BCAS3: variants seen among roughly 807,000 people sequenced by gnomAD.
BCAS3 encodes the protein BCAS3 microtubule associated cell migration factor, also known as BCAS4/BCAS3 fusion.
A neutral mutation model predicts 116.1 loss-of-function variants in BCAS3; 53 were observed. The observed-to-expected ratio is 0.46, with a 90% CI of 0.37 to 0.57. The LOEUF is 0.57. Ranked by LOEUF, BCAS3 falls within the 20% of genes least tolerant of loss-of-function variation. BCAS3 has a pLI of 0.00. For missense variants in BCAS3, 917 were observed against 1,165.4 expected, an observed-to-expected ratio of 0.79 and a Z score of 3.10; for synonymous variants, 391 against 408.2, an observed-to-expected ratio of 0.96 and a Z score of 0.51.
chr17:60,690,306 A>T (rs1223063450), intron 4 of BCAS3, among the ~76,000 whole-genome samples: 1 of 152,212 alleles, frequency 6.6e-6, no homozygotes, highest in Non-Finnish European at 1.5e-5. Context: ...ATAGTGGCTC[A>T]CACCAGTAAT....
intron 4 of BCAS3, among the ~76,000 whole-genome samples, chr17:60,706,803 CTTTT>C (rs546689684): frequency 4.9e-5 from 6 of 122,222 alleles, no homozygotes; most frequent in African/African-American, 3.4e-5. Flanking sequence ...TTACACTATA[CTTTT>C]TTTTTTTTTT....
At position 61,180,458 on chromosome 17, in the gene BCAS3, C is replaced by G. The variant is rs1455827657; in HGVS notation, c.2425+95894C>G. The stretch of plus-strand genomic sequence containing the variant: ...AGAAATAATTTGGCTAAAATTCTGG[C>G]CCAGTGTTGTCAGAGGATATGAAAG... On this transcript the variant is annotated intron_variant, in intron 22 of 23. Coordinates refer to ENST00000407086, the MANE Select transcript of BCAS3 (RefSeq NM_017679.5). The surrounding 1 kb of genome is among the most constrained non-coding windows in gnomAD (Gnocchi z 6.0). 3.3e-5 allele frequency among the ~76,000 whole-genome samples: 5 copies of G among 152,180 alleles called. No individual in the cohort carries two copies. Among genetic ancestry groups the G allele is most frequent in the Non-Finnish European group, 7.3e-5 (5 of 68,032 alleles).
At chr17:60,718,794 G>T (rs1322513619) in intron 5 of BCAS3, among the ~76,000 whole-genome samples, 1 of 152,112 alleles carries the variant, frequency 6.6e-6, no homozygotes, top group African/African-American at 2.4e-5. Flanking sequence ...GGGTGCTGTG[G>T]CTCACGCCTG....
Position 61,278,283 on chromosome 17 carries a change from C to CGCCTG in BCAS3, c.2426-90043_2426-90039dup, listed in dbSNP as rs2050946220. 6.6e-6 allele frequency among the ~76,000 whole-genome samples: 1 copy of CGCCTG among 152,138 alleles called. No homozygotes were observed. The highest frequency in any genetic ancestry group is 1.5e-5 in the Non-Finnish European group (1 of 68,018). On this transcript the variant is annotated intron_variant, in intron 22 of 23. Coordinates refer to ENST00000407086, the MANE Select transcript of BCAS3 (RefSeq NM_017679.5). The surrounding 1 kb of genome is among the most constrained non-coding windows in gnomAD (Gnocchi z 5.8). ...GTCTTGAACTCCTGACCTTGTGATCCGCCTGCCTCGGCCTCTCAAAGTGCT... is the reference window on the plus strand; with the variant it reads ...GTCTTGAACTCCTGACCTTGTGATCCGCCTGGCCTGCCTCGGCCTCTCAAAGTGCT...
Position 61,377,122 on chromosome 17 carries a change from T to TGC in BCAS3, c.2593+8629_2593+8630dup, listed in dbSNP as rs1331249348. Among the ~76,000 whole-genome samples the TGC allele has an allele frequency of 6.6e-6, 1 of 151,970 alleles. No homozygotes were observed. Among genetic ancestry groups the TGC allele is most frequent in the East Asian group, 1.9e-4 (1 of 5,162 alleles). On this transcript the variant is annotated intron_variant, in intron 23 of 23. Coordinates refer to ENST00000407086, the MANE Select transcript of BCAS3 (RefSeq NM_017679.5). This position sits in a 1 kb window ranked among gnomAD's most constrained non-coding sequence, Gnocchi z 4.6. ...AGCTGGACCAAGTGGAAGTCAGGAG[T>TGC]GCTCCCCTGCCCACAGGGCATGGTC...
intron 5 of BCAS3, among the ~76,000 whole-genome samples, chr17:60,737,953 CT>C (rs1484725795): frequency 6.6e-6 from 1 of 151,758 alleles, no homozygotes; most frequent in Non-Finnish European, 1.5e-5. Context: ...CACCCGGCTA[CT>C]TTTTGCATTT....
intron 22 of BCAS3, among the ~76,000 whole-genome samples, chr17:61,176,856 C>T (rs2079182279): frequency 6.6e-6 from 1 of 152,196 alleles, no homozygotes; most frequent in Admixed American, 6.5e-5. Flanking sequence ...CCACCGCACT[C>T]TGGCCTCAAT....
chr17:61,143,799 ACT>A (rs1356028620), intron 22 of BCAS3, among the ~76,000 whole-genome samples: 1 of 152,102 alleles, frequency 6.6e-6, no homozygotes, highest in African/African-American at 2.4e-5. Flanking sequence ...ACAGAGCAAG[ACT>A]CTGTCTCAAA....
intron 19 of BCAS3, among the ~76,000 whole-genome samples, chr17:61,069,386 C>T (rs142475785): frequency 2.0e-4 from 31 of 152,238 alleles, no homozygotes; most frequent in East Asian, 1.5e-3. Context: ...GAAGAACCTG[C>T]GCCACAAGGA....
At chr17:61,238,207 C>G (rs1160421634) in intron 22 of BCAS3, among the ~76,000 whole-genome samples, 1 of 142,710 alleles carries the variant, frequency 7.0e-6, no homozygotes, top group African/African-American at 2.6e-5. Flanking sequence ...CACCCGCCAC[C>G]ACACCTGGCA....
At chr17:60,838,455 TC>T (rs2051570771) in intron 7 of BCAS3, among the ~76,000 whole-genome samples, 1 of 151,740 alleles carries the variant, frequency 6.6e-6, no homozygotes, top group African/African-American at 2.4e-5. Context: ...ATTAGGCTGA[TC>T]TCATATTTCC....
Position 61,376,718 on chromosome 17 carries a change from A to G in BCAS3, c.2593+8224A>G, listed in dbSNP as rs959571439. On this transcript the variant is annotated intron_variant, in intron 23 of 23. Coordinates refer to ENST00000407086, the MANE Select transcript of BCAS3 (RefSeq NM_017679.5). The surrounding 1 kb of genome is among the most constrained non-coding windows in gnomAD (Gnocchi z 4.5). ...TAGGCTTCTCTGGGTAATATCTCTG[A>G]TTGCCCAGTGCTCCTAAAATTGCAC... Among the ~76,000 whole-genome samples the G allele has an allele frequency of 1.3e-5, 2 of 152,114 alleles. No homozygotes were observed. The highest frequency in any genetic ancestry group is 2.9e-5 in the Non-Finnish European group (2 of 68,030).
intron 16 of BCAS3, among the ~76,000 whole-genome samples, chr17:61,022,717 G>C (rs146324138): frequency 9.3e-4 from 141 of 152,210 alleles, no homozygotes; most frequent in African/African-American, 3.2e-3. Context: ...ATAGTTCACT[G>C]TATCTTCAAA....
At chr17:60,770,712 G>A (rs1819533589) in intron 6 of BCAS3, among the ~76,000 whole-genome samples, 1 of 150,858 alleles carries the variant, frequency 6.6e-6, no homozygotes, top group Admixed American at 6.6e-5. Flanking sequence ...CCTGGCCCCA[G>A]TATTCTCTCT....
chr17:61,101,630 A>G (rs962355087), intron 22 of BCAS3, among the ~76,000 whole-genome samples: 9 of 152,156 alleles, frequency 5.9e-5, no homozygotes, highest in Non-Finnish European at 1.2e-4. Flanking sequence ...ATTGTACACT[A>G]CAATATTTAT....
At chr17:61,194,871 C>A (rs947546565) in intron 22 of BCAS3, among the ~76,000 whole-genome samples, 11 of 152,176 alleles carry the variant, frequency 7.2e-5, no homozygotes, top group Admixed American at 2.6e-4. Flanking sequence ...ATCTCCAGCT[C>A]CCCTATTTGT....
chr17:60,867,975 G>T (rs1474716889), intron 7 of BCAS3, among the ~76,000 whole-genome samples: 1 of 150,802 alleles, frequency 6.6e-6, no homozygotes, highest in African/African-American at 2.4e-5. Context: ...AAGTTTATTA[G>T]ATTCTTTTAT....
chr17:60,825,724 AAGGGCCT>A (rs935201947), intron 7 of BCAS3, among the ~76,000 whole-genome samples: 2 of 151,662 alleles, frequency 1.3e-5, no homozygotes, highest in Non-Finnish European at 2.9e-5. Context: ...AAGGGCAAAA[AAGGGCCT>A]AGGGTGTTCT....
At chr17:61,000,023 C>A (rs1568082143) in intron 15 of BCAS3, among the ~76,000 whole-genome samples, 1 of 152,076 alleles carries the variant, frequency 6.6e-6, no homozygotes, top group Non-Finnish European at 1.5e-5. Flanking sequence ...AGTAATTTAT[C>A]AGGTTAAGGA....
Sources: allele counts gnomAD v4.1 joint callset (sites outside exome capture counted in the v4.1 genomes callset), GRCh38; gene constraint gnomAD v4.1.1; non-coding constraint Gnocchi (gnomAD v3.1); transcripts MANE v1.5; gene names NCBI Gene and HGNC (gene_info 2026-07-23, HGNC 2026-07-21).